Variants in DLG2 observed in about 807,000 individuals in gnomAD.
DLG2 encodes discs large MAGUK scaffold protein 2, also known as disks large homolog 2.
In DLG2, 45 loss-of-function variants were observed where a neutral mutation model predicts 132.5. The observed-to-expected ratio is 0.34, with a 90% confidence interval of 0.27 to 0.44. The LOEUF (loss-of-function observed/expected upper bound fraction) is 0.44. DLG2 is among the 20% of genes least tolerant of loss of function. The pLI is 1.00. For missense variants in DLG2, 1,045 were observed against 1,196.9 expected (o/e 0.87, Z 1.87); for synonymous variants, 424 against 419.6 (o/e 1.01, Z -0.13).
At chr11:84,804,392 C>T (rs1295725210) in intron 6 of DLG2, among the ~76,000 whole-genome samples, 1 of 152,228 alleles carries the variant, frequency 6.6e-6, no homozygotes, top group Non-Finnish European at 1.5e-5. Context: ...CGTACTTCCA[C>T]TTCCAAGAAC....
At chr11:83,690,905 T>C (rs11233718) in intron 18 of DLG2, among the ~76,000 whole-genome samples, 37,941 of 152,158 alleles carry the variant, frequency 0.25, 5,416 homozygotes, top group African/African-American at 0.39. Context: ...CATCCATTTA[T>C]GTATTTATGT....
chr11:85,583,360 T>C (rs1369623446), intron 3 of DLG2, among the ~76,000 whole-genome samples: 1 of 150,174 alleles, frequency 6.7e-6, no homozygotes, highest in East Asian at 2.0e-4. Flanking sequence ...CCTGTTGTTG[T>C]TGTTGTTGTT....
chr11:84,717,940 A>G (rs2061407268), intron 6 of DLG2, among the ~76,000 whole-genome samples: 1 of 152,098 alleles, frequency 6.6e-6, no homozygotes, highest in Non-Finnish European at 1.5e-5. Flanking sequence ...AATCATATCA[A>G]TAGTAAGTAT....
At chr11:84,753,078 TC>T (rs893449911) in intron 6 of DLG2, among the ~76,000 whole-genome samples, 1 of 152,168 alleles carries the variant, frequency 6.6e-6, no homozygotes, top group African/African-American at 2.4e-5. Context: ...ATTTATTTTT[TC>T]CACCAGAAGT....
intron 3 of DLG2, among the ~76,000 whole-genome samples, chr11:85,487,745 A>G (rs1278438340): frequency 6.6e-6 from 1 of 152,200 alleles, no homozygotes; most frequent in Non-Finnish European, 1.5e-5. Flanking sequence ...AAAGACTTAG[A>G]AAAAATAATA....
At chr11:85,163,460 C>G (rs947747189) in intron 4 of DLG2, among the ~76,000 whole-genome samples, 2 of 151,974 alleles carry the variant, frequency 1.3e-5, no homozygotes, top group Non-Finnish European at 2.9e-5. Flanking sequence ...ATAGGAGGAG[C>G]ATCTATATTA....
intron 2 of DLG2, among the ~76,000 whole-genome samples, chr11:85,609,269 C>A (rs544807475): frequency 2.0e-5 from 3 of 152,180 alleles, no homozygotes; most frequent in Non-Finnish European, 4.4e-5. Flanking sequence ...ACATTTATTA[C>A]CCAATCAGCT....
intron 7 of DLG2, among the ~76,000 whole-genome samples, chr11:84,288,420 C>T: frequency 6.6e-6 from 1 of 152,046 alleles, no homozygotes; most frequent in East Asian, 1.9e-4. Context: ...CTATTTGATA[C>T]TTTAGGCAAT....
chr11:83,647,284 G>T (rs2068513164), intron 18 of DLG2, among the ~76,000 whole-genome samples: 1 of 151,172 alleles, frequency 6.6e-6, no homozygotes, highest in African/African-American at 2.4e-5. Flanking sequence ...TGGGGGCGGG[G>T]GTATGTCTCA....
intron 3 of DLG2, among the ~76,000 whole-genome samples, chr11:85,315,662 C>T (rs192729574): frequency 2.6e-5 from 4 of 152,142 alleles, no homozygotes; most frequent in Admixed American, 1.3e-4. Flanking sequence ...GACAGGACAC[C>T]TGTTAAGGCA....
intron 3 of DLG2, among the ~76,000 whole-genome samples, chr11:85,396,968 T>A (rs935030296): frequency 3.3e-5 from 5 of 151,884 alleles, no homozygotes; most frequent in Non-Finnish European, 7.4e-5. Flanking sequence ...CCCCAAGACA[T>A]ATAATTGTCA....
intron 8 of DLG2, among the ~76,000 whole-genome samples, chr11:84,167,475 G>T (rs752116800): frequency 1.3e-5 from 2 of 152,066 alleles, no homozygotes; most frequent in Non-Finnish European, 2.9e-5. Flanking sequence ...CCTGGATGAT[G>T]ATATAATTTG....
chr11:85,412,579 TC>T (rs2089411487), intron 3 of DLG2, among the ~76,000 whole-genome samples: 4 of 151,380 alleles, frequency 2.6e-5, no homozygotes, highest in African/African-American at 9.8e-5. Context: ...CTTTGCATCC[TC>T]ATAGCTCAGC....
chr11:85,599,083 C>T (rs1303348274), intron 2 of DLG2, among the ~76,000 whole-genome samples: 1 of 152,180 alleles, frequency 6.6e-6, no homozygotes, highest in Non-Finnish European at 1.5e-5. Context: ...GTCAGAGACA[C>T]TGACCTTAAA....
intron 11 of DLG2, among the ~76,000 whole-genome samples, chr11:84,010,893 T>C (rs2094853047): frequency 6.6e-6 from 1 of 152,142 alleles, no homozygotes; most frequent in African/African-American, 2.4e-5. Flanking sequence ...ATACAACTCT[T>C]GCATTATCAA....
intron 5 of DLG2, among the ~76,000 whole-genome samples, chr11:85,150,207 A>G (rs569442066): frequency 6.6e-6 from 1 of 151,708 alleles, no homozygotes; most frequent in Admixed American, 6.6e-5. Flanking sequence ...TTTTTAGTAG[A>G]GACAGGGTTT....
intron 5 of DLG2, among the ~76,000 whole-genome samples, chr11:85,143,376 T>C (rs1052874937): frequency 1.3e-5 from 2 of 151,838 alleles, no homozygotes; most frequent in African/African-American, 4.8e-5. Flanking sequence ...ATTTCTGTGA[T>C]ATCAGTTGTA....
At chr11:84,243,017 C>CTATATATATATA (rs71465003) in intron 8 of DLG2, among the ~76,000 whole-genome samples, 15 of 142,146 alleles carry the variant, frequency 1.1e-4, no homozygotes, top group Non-Finnish European at 4.5e-5. Flanking sequence ...CTCTCTCTCT[C>CTATATATATATA]TATATATATA....
At chr11:84,760,261 C>T (rs2067431363) in intron 6 of DLG2, among the ~76,000 whole-genome samples, 1 of 152,126 alleles carries the variant, frequency 6.6e-6, no homozygotes, top group Non-Finnish European at 1.5e-5. Flanking sequence ...GTTCTCTATC[C>T]AGGGCTGCCA....
Sources: gnomAD v4.1 joint callset for allele counts (sites outside exome capture counted in the v4.1 genomes callset) on GRCh38, gnomAD v4.1.1 for gene constraint, MANE v1.5 for transcripts, NCBI Gene and HGNC (gene_info 2026-07-23, HGNC 2026-07-21) for gene names.